AKR7A3: variants seen among roughly 807,000 people sequenced by gnomAD.
AKR7A3 encodes the protein aldo-keto reductase family 7 member A3, also known as AFB1 aldehyde reductase 2.
Under a neutral mutation model 32.5 loss-of-function variants are expected in AKR7A3, and 37 were observed. The ratio of observed to expected loss-of-function variants is 1.14; its 90% CI spans 0.88 to 1.50. The LOEUF (loss-of-function observed/expected upper bound fraction) is 1.50. Ranked by LOEUF, AKR7A3 falls within the 40% of genes most tolerant of loss-of-function variation. The pLI is 0.00. For synonymous variants in AKR7A3, 177 were observed against 188.4 expected (o/e 0.94, Z 0.50); for missense variants, 412 against 453.2 (o/e 0.91, Z 0.83).
chr1:19,278,099 T>C (rs1435996708), downstream of AKR7A3, among the ~76,000 whole-genome samples: 1 of 151,858 alleles, frequency 6.6e-6, no homozygotes, highest in African/African-American at 2.4e-5. Flanking sequence ...AGTTTTACCT[T>C]ATACATTTAG....
At chr1:19,281,818 T>C (rs1384325365), downstream of AKR7A3, among the ~76,000 whole-genome samples, 1 of 151,948 alleles carries the variant, frequency 6.6e-6, no homozygotes, top group Non-Finnish European at 1.5e-5. Context: ...AAAGATTATT[T>C]TGGAGCTTTA....
At chr1:19,286,118 T>C (rs938609245) in intron 2 of AKR7A3, 67 bp downstream of exon 2, 2 of 1,596,440 alleles carry the variant, frequency 1.3e-6, no homozygotes, top group Non-Finnish European at 1.7e-6. Context: ...GCCTCTGCTC[T>C]CACCATTAGG....
the AKR7A3 span, among the ~76,000 whole-genome samples, chr1:19,274,965 A>C: frequency 1.3e-5 from 2 of 150,910 alleles, no homozygotes; most frequent in East Asian, 3.9e-4. Flanking sequence ...AGATTAATTT[A>C]AACCCAACCA....
At chr1:19,276,253 T>G in the AKR7A3 span, among the ~76,000 whole-genome samples, 5 of 149,902 alleles carry the variant, frequency 3.3e-5, no homozygotes, top group Non-Finnish European at 5.9e-5. Flanking sequence ...TCCCAGCTAC[T>G]CGGGAGGCTG....
chr1:19,284,676 C>T lies in AKR7A3; in HGVS notation c.704+10G>A, dbSNP rs751769754. 1 of 1,613,732 alleles carries T rather than the reference C, an allele frequency of 6.2e-7. No individual in the cohort carries two copies. The highest frequency in any genetic ancestry group is 1.7e-5 in the Admixed American group (1 of 60,024). ...ACCCCAGCCATCCACACCAAGCACC[C>T]ACAGCTTACCGATTCCTGTACATCT... On this transcript the variant is annotated intron_variant, in intron 5 of 6. Coordinates refer to ENST00000361640, the MANE Select transcript of AKR7A3 (RefSeq NM_012067.3).
intron 3 of AKR7A3, 113 bp from the exon 4 acceptor site, chr1:19,285,227 T>A: frequency 1.0e-6 from 1 of 992,040 alleles, no homozygotes; most frequent in South Asian, 1.5e-5. Context: ...ACTTTAACCG[T>A]CTGGGCGTAT....
intron 3 of AKR7A3, 81 bp downstream of exon 3, chr1:19,285,807 A>G (rs1317712451): frequency 8.3e-6 from 13 of 1,557,218 alleles, no homozygotes; most frequent in African/African-American, 1.4e-5. Flanking sequence ...CAGAGGGCAC[A>G]GGGGGCAGTC....
In AKR7A3 at chr1:19,285,946, A is replaced by T; in HGVS notation, c.449T>A (p.Val150Glu). ...CTTGCAGAGGGTACAGATCTCGGCC[A>T]CTTCCCAGGCTGCATAGTTGGAGAG... Reference protein sequence around the residue: ...LGLSNYAAWEVAEICTLCKSN... With the variant: ...LGLSNYAAWEEAEICTLCKSN... The change falls in exon 3 of 7, where the codon GTG becomes GAG. Residue 150 changes from valine to glutamate, a missense_variant. Physicochemically the swap from Val to Glu is moderately radical, Grantham distance 121. Coordinates refer to ENST00000361640, the MANE Select transcript of AKR7A3 (RefSeq NM_012067.3). 1 of 1,613,110 alleles carries T rather than the reference A, an allele frequency of 6.2e-7. No homozygotes were observed. The highest frequency in any genetic ancestry group is 8.5e-7 in the Non-Finnish European group (1 of 1,179,776).
the AKR7A3 span, among the ~76,000 whole-genome samples, chr1:19,275,390 A>G: frequency 6.6e-6 from 1 of 151,764 alleles, no homozygotes; most frequent in African/African-American, 2.4e-5. Context: ...CAGCCGAGGC[A>G]ACAAGAGCGA....
chr1:19,284,814 G>T, intron 4 of AKR7A3, 29 bp from the exon 5 acceptor site: 1 of 1,610,028 alleles, frequency 6.2e-7, no homozygotes, highest in Non-Finnish European at 8.5e-7. Context: ...CAGCCCCGGG[G>T]CCTAGAGTGC....
downstream of AKR7A3, among the ~76,000 whole-genome samples, chr1:19,279,337 A>G (rs1250263790): frequency 3.9e-5 from 6 of 151,944 alleles, no homozygotes; most frequent in East Asian, 1.2e-3. Context: ...ATTGATGGAC[A>G]TTTGGGTTGT....
At chr1:19,274,665 A>C in the AKR7A3 span, among the ~76,000 whole-genome samples, 2 of 151,488 alleles carry the variant, frequency 1.3e-5, no homozygotes, top group South Asian at 4.2e-4. Flanking sequence ...AAACAAACTG[A>C]CTGACTGTGG....
chr1:19,274,581 C>T, the AKR7A3 span, among the ~76,000 whole-genome samples: 1 of 151,658 alleles, frequency 6.6e-6, no homozygotes, highest in South Asian at 2.1e-4. Context: ...ACAGCGTCCC[C>T]GTGGAGTGAC....
At chr1:19,281,528 A>G (rs1378320749), downstream of AKR7A3, among the ~76,000 whole-genome samples, 1 of 151,716 alleles carries the variant, frequency 6.6e-6, no homozygotes, top group African/African-American at 2.4e-5. Flanking sequence ...CCAGCTACTC[A>G]GGAAGCTGTG....
the AKR7A3 span, among the ~76,000 whole-genome samples, chr1:19,274,767 G>A: frequency 2.7e-5 from 4 of 150,262 alleles, no homozygotes; most frequent in Non-Finnish European, 5.9e-5. Context: ...GCAACATAGG[G>A]AGGCCCTGTC....
In AKR7A3 at chr1:19,284,893, T is replaced by C. The variant is rs2093726473; in HGVS notation, c.605-108A>G. On this transcript the variant is annotated intron_variant, in intron 4 of 6. Coordinates refer to ENST00000361640, the MANE Select transcript of AKR7A3 (RefSeq NM_012067.3). Reference sequence around the variant, plus strand: ...GGCAGGGACCCAGGAGGGCTGAAGATGCAGCCTTTACGTCTTTGACCTCAG... The same window carrying C: ...GGCAGGGACCCAGGAGGGCTGAAGACGCAGCCTTTACGTCTTTGACCTCAG... The C allele has an allele frequency of 5.1e-6, 8 of 1,568,444 alleles. No homozygotes were observed. The African/African-American group carries it at 5.5e-5, about 11-fold the overall frequency.
the AKR7A3 span, among the ~76,000 whole-genome samples, chr1:19,277,383 C>A: frequency 6.6e-6 from 1 of 151,850 alleles, no homozygotes; most frequent in African/African-American, 2.4e-5. Context: ...AAAATTAGAT[C>A]ATAATTTGAA....
rs1410890088 is a variant in AKR7A3, at chr1:19,284,022, A to T, written c.808T>A (p.Trp270Arg). The T allele has an allele frequency of 3.7e-6, 6 of 1,613,478 alleles. No homozygotes were observed. Among genetic ancestry groups the T allele is most frequent in the Non-Finnish European group, 5.1e-6 (6 of 1,179,858 alleles). Reference protein sequence around the residue: ...APSMTSATLRWMYHHSQLQGA... With the variant: ...APSMTSATLRRMYHHSQLQGA... ...TGCAGCTGTGAGTGGTGGTACATCC[A>T]CCGGAGGGTGGCCGAGGTCATGCTG... The change falls in exon 6 of 7, where the codon TGG (tryptophan) becomes AGG (arginine). Residue 270 changes from tryptophan to arginine, a missense_variant. Coordinates refer to ENST00000361640, the MANE Select transcript of AKR7A3 (RefSeq NM_012067.3).
downstream of AKR7A3, among the ~76,000 whole-genome samples, chr1:19,282,366 C>T (rs1223135243): frequency 6.6e-6 from 1 of 151,646 alleles, no homozygotes; most frequent in Non-Finnish European, 1.5e-5. Context: ...TCTCTTGCTC[C>T]CTCTCTCACC....
Sources: allele counts gnomAD v4.1 joint callset (sites outside exome capture counted in the v4.1 genomes callset), GRCh38; gene constraint gnomAD v4.1.1; transcripts MANE v1.5; gene names NCBI Gene and HGNC (gene_info 2026-07-23, HGNC 2026-07-21).